Variants in CNTNAP2 observed in about 807,000 individuals in gnomAD.
CNTNAP2 encodes the protein contactin associated protein 2.
Under a neutral mutation model 155.2 loss-of-function variants are expected in CNTNAP2, and 98 were observed. That is an observed-to-expected ratio of 0.63 (90% CI 0.54 to 0.75). CNTNAP2 has a LOEUF of 0.75. Ranked by LOEUF, CNTNAP2 falls within the 30% of genes least tolerant of loss-of-function variation. The pLI is 0.00. For missense variants in CNTNAP2, 1,727 were observed against 1,688.1 expected (o/e 1.02, Z -0.40); for synonymous variants, 651 against 631.2 (o/e 1.03, Z -0.47).
At chr7:147,438,563 T>A (rs964513508) in intron 10 of CNTNAP2, among the ~76,000 whole-genome samples, 2 of 151,944 alleles carry the variant, frequency 1.3e-5, no homozygotes, top group Non-Finnish European at 2.9e-5. Context: ...TTTTCATGTG[T>A]CTTTGTCTGG....
At chr7:146,430,532 A>C (rs1394363213) in intron 1 of CNTNAP2, among the ~76,000 whole-genome samples, 2 of 152,058 alleles carry the variant, frequency 1.3e-5, no homozygotes, top group Admixed American at 1.3e-4. Context: ...TCTTCATTTT[A>C]TGGAGGCAGT....
chr7:147,668,958 CTT>C (rs367897163), intron 13 of CNTNAP2, among the ~76,000 whole-genome samples: 4,463 of 150,790 alleles, frequency 0.03, 94 homozygotes, highest in Middle Eastern at 0.13. Flanking sequence ...TATAGGTGTG[CTT>C]TTTTTTTATC....
At chr7:147,717,439 G>C (rs974587590) in intron 13 of CNTNAP2, among the ~76,000 whole-genome samples, 1 of 152,082 alleles carries the variant, frequency 6.6e-6, no homozygotes, top group African/African-American at 2.4e-5. Context: ...CTTTGAGTTA[G>C]GCAGTATCCC....
At chr7:147,014,424 G>C (rs1208181745) in intron 3 of CNTNAP2, among the ~76,000 whole-genome samples, 1 of 151,978 alleles carries the variant, frequency 6.6e-6, no homozygotes, top group Admixed American at 6.6e-5. Flanking sequence ...CGTTTTATCA[G>C]TAACCATGGA....
chr7:147,599,718 T>C (rs530271282), intron 12 of CNTNAP2, among the ~76,000 whole-genome samples: 9 of 152,270 alleles, frequency 5.9e-5, no homozygotes, highest in South Asian at 2.1e-4. Context: ...TGTCATCACA[T>C]GGTATTCTCC....
At chr7:148,252,266 A>T (rs1187003905) in intron 20 of CNTNAP2, among the ~76,000 whole-genome samples, 1 of 152,142 alleles carries the variant, frequency 6.6e-6, no homozygotes, top group African/African-American at 2.4e-5. Context: ...AAGGAGAGAG[A>T]TCCTGGGGTC....
At chr7:148,231,172 T>C (rs1435630929) in intron 20 of CNTNAP2, among the ~76,000 whole-genome samples, 1 of 152,174 alleles carries the variant, frequency 6.6e-6, no homozygotes, top group Non-Finnish European at 1.5e-5. Context: ...CGTATACAGT[T>C]TACCCTCACT....
chr7:147,910,589 T>G lies in CNTNAP2; in HGVS notation c.2255+6868T>G, dbSNP rs116085080. Among the ~76,000 whole-genome samples, 1,475 of 152,160 alleles carry G rather than the reference T, an allele frequency of 9.7e-3. 26 individuals are homozygous for G. The highest frequency in any genetic ancestry group is 0.034 in the African/African-American group (1,395 of 41,500). On this transcript the variant is annotated intron_variant, in intron 14 of 23. Coordinates refer to ENST00000361727, the MANE Select transcript of CNTNAP2 (RefSeq NM_014141.6). ...TGGGTAATTTATAAAGGAAAGAAGC[T>G]TATTGGACTCACAGTTCCACATGGA...
chr7:146,578,216 T>G (rs1208128230), intron 1 of CNTNAP2, among the ~76,000 whole-genome samples: 2 of 152,128 alleles, frequency 1.3e-5, no homozygotes, highest in Non-Finnish European at 2.9e-5. Context: ...AACGTGAAAT[T>G]AAACTGTGTA....
intron 13 of CNTNAP2, among the ~76,000 whole-genome samples, chr7:147,679,829 T>C (rs191437574): frequency 6.0e-4 from 91 of 152,040 alleles, no homozygotes; most frequent in African/African-American, 2.1e-3. Flanking sequence ...AATATATAGA[T>C]ACAGAACTCC....
At chr7:146,203,269 C>T (rs1584800623) in intron 1 of CNTNAP2, among the ~76,000 whole-genome samples, 2 of 152,210 alleles carry the variant, frequency 1.3e-5, no homozygotes, top group South Asian at 2.1e-4. Flanking sequence ...AGAATGCCCC[C>T]TCCCACCACT....
rs181133117 is a variant in CNTNAP2, at chr7:146,546,737, A to G, written c.98-227534A>G. Among the ~76,000 whole-genome samples, 7 of 151,998 alleles carry G rather than the reference A, an allele frequency of 4.6e-5. No individual in the cohort carries two copies. In the East Asian group the frequency reaches 1.4e-3, roughly 30 times the overall value. On this transcript the variant is annotated intron_variant, in intron 1 of 23. Coordinates refer to ENST00000361727, the MANE Select transcript of CNTNAP2 (RefSeq NM_014141.6). ...TGGTAGAAGGTGAAGGAGGAGCAAA[A>G]GCACATCTTACATGGTGGCAGCAAG...
intron 1 of CNTNAP2, among the ~76,000 whole-genome samples, chr7:146,231,042 A>ATAAATAAAT (rs76111973): frequency 1.3e-5 from 2 of 150,482 alleles, no homozygotes; most frequent in African/African-American, 4.9e-5. Flanking sequence ...AAATAAATAA[A>ATAAATAAAT]AAGTTAATAT....
At chr7:147,923,830 C>T (rs970523448) in intron 14 of CNTNAP2, among the ~76,000 whole-genome samples, 1 of 152,102 alleles carries the variant, frequency 6.6e-6, no homozygotes, top group Non-Finnish European at 1.5e-5. Context: ...CATGCGTAGC[C>T]TCCTAGAGCC....
At chr7:146,848,779 TC>T (rs1289018674) in intron 3 of CNTNAP2, among the ~76,000 whole-genome samples, 2 of 152,160 alleles carry the variant, frequency 1.3e-5, no homozygotes, top group Non-Finnish European at 2.9e-5. Context: ...CTGACCTTTA[TC>T]TATTTATTTA....
chr7:148,198,687 T>C (rs1286218969), intron 18 of CNTNAP2, among the ~76,000 whole-genome samples: 2 of 152,254 alleles, frequency 1.3e-5, no homozygotes, highest in Non-Finnish European at 2.9e-5. Context: ...CTTTCAGATA[T>C]GTCCTTGTCT....
chr7:146,881,114 C>G (rs117284885), intron 3 of CNTNAP2, among the ~76,000 whole-genome samples: 1 of 152,088 alleles, frequency 6.6e-6, no homozygotes, highest in African/African-American at 2.4e-5. Flanking sequence ...TGAGCCAAGT[C>G]TGCATTCTTT....
chr7:148,223,383 G>A (rs565746006), intron 19 of CNTNAP2, among the ~76,000 whole-genome samples: 10 of 152,148 alleles, frequency 6.6e-5, no homozygotes, highest in Non-Finnish European at 1.5e-4. Context: ...TCCTGCCTAC[G>A]ATCAGTACCC....
intron 1 of CNTNAP2, among the ~76,000 whole-genome samples, chr7:146,680,737 G>A (rs1202224338): frequency 6.6e-6 from 1 of 152,156 alleles, no homozygotes; most frequent in Non-Finnish European, 1.5e-5. Flanking sequence ...GTGTGCAGAT[G>A]ATAATAACGA....
Sources: allele counts gnomAD v4.1 joint callset (sites outside exome capture counted in the v4.1 genomes callset), GRCh38; gene constraint gnomAD v4.1.1; transcripts MANE v1.5; gene names NCBI Gene and HGNC (gene_info 2026-07-23, HGNC 2026-07-21).